Variants in KCNIP4 observed in about 807,000 individuals in gnomAD.
KCNIP4 encodes Kv channel-interacting protein 4.
In KCNIP4, 12 loss-of-function variants were observed where a neutral mutation model predicts 34.0. The observed-to-expected ratio is 0.35, with a 90% confidence interval of 0.23 to 0.57. The LOEUF (loss-of-function observed/expected upper bound fraction) is 0.57, where lower values mean the gene tolerates loss of function less well. Ranked by LOEUF, KCNIP4 falls within the 20% of genes least tolerant of loss-of-function variation. The probability of loss-of-function intolerance (pLI) is 0.83; values close to 1 mark genes in which losing one functional copy is unlikely to be tolerated. For missense variants in KCNIP4, 238 were observed against 311.7 expected, an observed-to-expected ratio of 0.76 and a Z score of 1.78; for synonymous variants, 124 against 102.2, an observed-to-expected ratio of 1.21 and a Z score of -1.29.
chr4:21,092,206 C>A (rs1295557851), intron 1 of KCNIP4, among the ~76,000 whole-genome samples: 1 of 152,014 alleles, frequency 6.6e-6, no homozygotes, highest in African/African-American at 2.4e-5. Context: ...TTCCAAGAAT[C>A]AAGTTATTTA....
At chr4:21,386,288 TA>T (rs1412492657) in intron 1 of KCNIP4, among the ~76,000 whole-genome samples, 1 of 152,108 alleles carries the variant, frequency 6.6e-6, no homozygotes, top group African/African-American at 2.4e-5. Context: ...GTTCCTCAAA[TA>T]GTATATAAGA....
intron 1 of KCNIP4, among the ~76,000 whole-genome samples, chr4:21,321,934 AGGAG>A (rs575395542): frequency 7.7e-4 from 109 of 141,434 alleles, no homozygotes; most frequent in African/African-American, 2.6e-3. Context: ...AAAGGTGGGA[AGGAG>A]GGAGGGAGGG....
intron 1 of KCNIP4, among the ~76,000 whole-genome samples, chr4:21,586,080 C>T (rs1741586403): frequency 6.6e-6 from 1 of 152,136 alleles, no homozygotes; most frequent in Non-Finnish European, 1.5e-5. Flanking sequence ...TTAATTTTCT[C>T]AGCAATTAAT....
At chr4:21,257,199 A>G (rs1330963585) in intron 1 of KCNIP4, among the ~76,000 whole-genome samples, 1 of 152,220 alleles carries the variant, frequency 6.6e-6, no homozygotes, top group Non-Finnish European at 1.5e-5. Flanking sequence ...CAAGTTTGTG[A>G]ATAAAAAGCA....
At chr4:21,742,867 A>G (rs1220520301) in intron 1 of KCNIP4, among the ~76,000 whole-genome samples, 1 of 152,220 alleles carries the variant, frequency 6.6e-6, no homozygotes, top group East Asian at 1.9e-4. Context: ...CTACAATGAA[A>G]AGATTAGAAG....
chr4:21,803,970 C>A (rs1453545698), intron 1 of KCNIP4, among the ~76,000 whole-genome samples: 1 of 152,168 alleles, frequency 6.6e-6, no homozygotes, highest in African/African-American at 2.4e-5. Flanking sequence ...AGGCTCATTG[C>A]AACAAGGGAG....
At chr4:21,928,931 TA>T (rs1729416283) in intron 1 of KCNIP4, among the ~76,000 whole-genome samples, 1 of 151,948 alleles carries the variant, frequency 6.6e-6, no homozygotes, top group Non-Finnish European at 1.5e-5. Context: ...ACTGAGGGTA[TA>T]AACACAAACA....
chr4:21,403,689 G>C (rs893204378), intron 1 of KCNIP4, among the ~76,000 whole-genome samples: 14 of 152,050 alleles, frequency 9.2e-5, no homozygotes, highest in Admixed American at 2.6e-4. Flanking sequence ...ATAAATAATA[G>C]ACAATTATTT....
intron 1 of KCNIP4, among the ~76,000 whole-genome samples, chr4:21,473,485 G>T (rs759906731): frequency 2.0e-5 from 3 of 152,026 alleles, no homozygotes; most frequent in Non-Finnish European, 2.9e-5. Context: ...TGGTAAAAGA[G>T]TTTTTTTAAA....
At chr4:21,171,815 A>C (rs577052636) in intron 1 of KCNIP4, among the ~76,000 whole-genome samples, 1 of 152,200 alleles carries the variant, frequency 6.6e-6, no homozygotes, top group Non-Finnish European at 1.5e-5. Flanking sequence ...GCACTTGCTC[A>C]GTTCATGGTA....
chr4:21,362,375 C>T (rs1320632279), intron 1 of KCNIP4, among the ~76,000 whole-genome samples: 2 of 152,080 alleles, frequency 1.3e-5, no homozygotes, highest in African/African-American at 4.8e-5. Context: ...CTGCCAACTG[C>T]TGTTCATAAA....
rs540879008 is a variant in KCNIP4, at chr4:21,235,645, C to G, written c.62-352936G>C. On this transcript the variant is annotated intron_variant, in intron 1 of 8. Transcript: ENST00000382152. ...CTCTTGACAACACTCATTTACCTAA[C>G]AGCGTATCATAAACTGTCAGCTTAT... is the stretch of plus-strand genomic sequence containing the variant. Among the ~76,000 whole-genome samples, 13 of 152,296 alleles carry G rather than the reference C, an allele frequency of 8.5e-5. 1 individual carries two copies. Among genetic ancestry groups the G allele is most frequent in the Middle Eastern group, 3.4e-3 (1 of 292 alleles).
chr4:21,192,939 ACTACTACTAC>A (rs1755768523), intron 1 of KCNIP4, among the ~76,000 whole-genome samples: 2 of 145,008 alleles, frequency 1.4e-5, no homozygotes, highest in Admixed American at 7.0e-5. Flanking sequence ...TACTACTACT[ACTACTACTAC>A]TACTAATAAT....
chr4:21,231,795 G>A (rs1179850998), intron 1 of KCNIP4, among the ~76,000 whole-genome samples: 4 of 152,144 alleles, frequency 2.6e-5, no homozygotes, highest in East Asian at 1.9e-4. Context: ...GAGAGAGGGC[G>A]GCAAGGAACT....
chr4:21,675,057 A>G (rs982718585), intron 1 of KCNIP4, among the ~76,000 whole-genome samples: 17 of 152,190 alleles, frequency 1.1e-4, no homozygotes, highest in African/African-American at 2.4e-5. Context: ...TTGTCCATCA[A>G]CAGATGAATG....
intron 1 of KCNIP4, among the ~76,000 whole-genome samples, chr4:21,620,974 G>A (rs2109175946): frequency 6.6e-6 from 1 of 152,270 alleles, no homozygotes; most frequent in Admixed American, 6.5e-5. Context: ...GACTCCAGTG[G>A]TTTAACTAAC....
At chr4:20,805,754 C>A (rs959895585) in intron 3 of KCNIP4, among the ~76,000 whole-genome samples, 4 of 152,072 alleles carry the variant, frequency 2.6e-5, no homozygotes, top group African/African-American at 4.8e-5. Flanking sequence ...CAATTAAAGT[C>A]TTTTCATTGC....
intron 1 of KCNIP4, among the ~76,000 whole-genome samples, chr4:21,397,144 T>A (rs1225339363): frequency 6.6e-6 from 1 of 152,198 alleles, no homozygotes. Flanking sequence ...TAGAGTCACA[T>A]ATTCAGGCCT....
chr4:21,349,214 A>C (rs887863311), intron 1 of KCNIP4, among the ~76,000 whole-genome samples: 3 of 152,194 alleles, frequency 2.0e-5, no homozygotes, highest in Non-Finnish European at 4.4e-5. Flanking sequence ...AAGTATCTAC[A>C]AAACAAATAC....
Sources: gnomAD v4.1 joint callset for allele counts (sites outside exome capture counted in the v4.1 genomes callset) on GRCh38, gnomAD v4.1.1 for gene constraint, MANE v1.5 for transcripts, NCBI Gene and HGNC (gene_info 2026-07-23, HGNC 2026-07-21) for gene names.